WDR72: variants seen among roughly 807,000 people sequenced by gnomAD.
WDR72 encodes the protein WD repeat domain 72.
Under a neutral mutation model 124.2 loss-of-function variants are expected in WDR72, and 120 were observed. The observed-to-expected ratio is 0.97, with a 90% CI of 0.83 to 1.12. The LOEUF is 1.12. Ranked by LOEUF, WDR72 falls within the 50% of genes most tolerant of loss-of-function variation. The pLI, the probability that WDR72 is intolerant of heterozygous loss-of-function variation, is 0.00. For synonymous variants in WDR72, 452 were observed against 441.7 expected (o/e 1.02, Z -0.29); for missense variants, 1,387 against 1,278.8 (o/e 1.08, Z -1.29).
chr15:53,551,647 C>T (rs568490365), intron 18 of WDR72, among the ~76,000 whole-genome samples: 323 of 152,198 alleles, frequency 2.1e-3, no homozygotes, highest in Non-Finnish European at 3.6e-3. Context: ...AAAAGTCAGT[C>T]CTATGTATAA....
Position 53,682,514 on chromosome 15 carries a change from AT to A in WDR72, c.1766-16747del, listed in dbSNP as rs201461548. Among the ~76,000 whole-genome samples the A allele has an allele frequency of 2.3e-4, 35 of 151,458 alleles. 1 individual carries two copies. Among genetic ancestry groups the A allele is most frequent in the African/African-American group, 7.8e-4 (32 of 41,290 alleles). On this transcript the variant is annotated intron_variant, in intron 13 of 19. Transcript: ENST00000360509. ...TTCTTATTACTGTATTTTTGCTCTG[AT>A]TTTTTTTTCCCACCATCTCTTCACG...
intron 2 of WDR72, among the ~76,000 whole-genome samples, chr15:53,731,899 T>C (rs2140609148): frequency 6.6e-6 from 1 of 152,314 alleles, no homozygotes; most frequent in South Asian, 2.1e-4. Flanking sequence ...ATGAAGATGC[T>C]AGAATTCCAG....
chr15:53,613,717 C>A lies in WDR72; in HGVS notation c.2821G>T (p.Ala941Ser). 1.2e-6 allele frequency: 2 copies of A among 1,610,958 alleles called. No individual in the cohort carries two copies. Among genetic ancestry groups the A allele is most frequent in the Non-Finnish European group, 1.7e-6 (2 of 1,178,152 alleles). Residue 941 changes from alanine (A) to serine (S), a missense_variant, in exon 16 of 20, where the codon GCT (alanine) becomes TCT (serine). Ala to Ser is a moderately conservative substitution (Grantham distance 99). Coordinates refer to ENST00000360509, the MANE Select transcript of WDR72 (RefSeq NM_182758.4). Reference protein sequence around the residue: ...MESIHNKMRGAGNDILNMSSF... With the variant: ...MESIHNKMRGSGNDILNMSSF... Reference sequence around the variant, plus strand: ...GACATATTTAAAATGTCATTCCCAGCACCTCTCATCTTATTATGTATACTT... The same window carrying A: ...GACATATTTAAAATGTCATTCCCAGAACCTCTCATCTTATTATGTATACTT...
At chr15:53,544,267 A>G (rs1441182027) in intron 18 of WDR72, among the ~76,000 whole-genome samples, 1 of 135,130 alleles carries the variant, frequency 7.4e-6, no homozygotes, top group Admixed American at 7.6e-5. Flanking sequence ...CCTCAATAAA[A>G]TACTGGCAAA....
chr15:53,521,131 T>A (rs546942), intron 19 of WDR72, among the ~76,000 whole-genome samples: 1 of 151,950 alleles, frequency 6.6e-6, no homozygotes. Flanking sequence ...CAGTTCACAG[T>A]GAAAGAAGAC....
chr15:53,689,954 A>G (rs985242926), intron 13 of WDR72, among the ~76,000 whole-genome samples: 1 of 150,842 alleles, frequency 6.6e-6, no homozygotes, highest in Non-Finnish European at 1.5e-5. Context: ...TTCTCAGTAA[A>G]CTATCGCAAG....
chr15:53,565,093 G>A (rs1051088465), intron 18 of WDR72, among the ~76,000 whole-genome samples: 1 of 151,824 alleles, frequency 6.6e-6, no homozygotes, highest in African/African-American at 2.4e-5. Flanking sequence ...AGGTTTTGGG[G>A]AAAGGTGCTG....
chr15:53,694,774 G>A (rs752231115), intron 13 of WDR72, among the ~76,000 whole-genome samples: 5 of 152,158 alleles, frequency 3.3e-5, no homozygotes, highest in Non-Finnish European at 4.4e-5. Context: ...AACTATACCT[G>A]TCCTGCTTAA....
intron 18 of WDR72, among the ~76,000 whole-genome samples, chr15:53,582,208 A>T (rs2011964554): frequency 6.6e-6 from 1 of 151,990 alleles, no homozygotes; most frequent in Admixed American, 6.6e-5. Context: ...AAAACCATAT[A>T]TGTTTTACAT....
rs1228042716 is a variant in WDR72, at chr15:53,515,573, C to T, written c.*2126G>A. On this transcript the variant is annotated 3_prime_UTR_variant, in exon 20 of 20. Transcript: ENST00000360509. ...TCATAGTTAATGGTATGATATTGGC[C>T]TTCAGAATTCATATTGATAAAAGCA... 1 of 152,048 alleles carries T rather than the reference C, an allele frequency of 6.6e-6. No individual in the cohort carries two copies. The highest frequency in any genetic ancestry group is 1.5e-5 in the Non-Finnish European group (1 of 68,008). The allele number at this position is 152,048 out of a possible 1,614,324, so 9.4% of individuals were successfully genotyped here.
intron 15 of WDR72, among the ~76,000 whole-genome samples, chr15:53,614,008 T>C (rs571721185): frequency 4.6e-5 from 7 of 152,236 alleles, no homozygotes; most frequent in Middle Eastern, 3.4e-3. Flanking sequence ...CTGCACATCT[T>C]AGTTTGCCAG....
At chr15:53,670,108 T>G (rs1789720795) in intron 13 of WDR72, among the ~76,000 whole-genome samples, 1 of 152,182 alleles carries the variant, frequency 6.6e-6, no homozygotes, top group African/African-American at 2.4e-5. Flanking sequence ...AAATCTATTG[T>G]AAGTAAAATC....
At chr15:53,536,319 A>C (rs1307536577) in intron 18 of WDR72, among the ~76,000 whole-genome samples, 3 of 152,162 alleles carry the variant, frequency 2.0e-5, no homozygotes, top group Non-Finnish European at 2.9e-5. Context: ...ATACTTCGAT[A>C]TTATTCTCAG....
intron 3 of WDR72, among the ~76,000 whole-genome samples, chr15:53,721,661 C>T (rs1273399048): frequency 6.6e-6 from 1 of 152,188 alleles, no homozygotes; most frequent in African/African-American, 2.4e-5. Context: ...TTTATACAAG[C>T]TGGACCTTGA....
chr15:53,648,210 G>T (rs74015847), intron 14 of WDR72, among the ~76,000 whole-genome samples: 1 of 152,076 alleles, frequency 6.6e-6, no homozygotes, highest in East Asian at 1.9e-4. Context: ...CAAATTTTAC[G>T]TAGCAGGAAA....
chr15:53,732,251 T>G (rs1316645780), intron 2 of WDR72, among the ~76,000 whole-genome samples: 2 of 152,210 alleles, frequency 1.3e-5, no homozygotes, highest in Non-Finnish European at 2.9e-5. Context: ...AATTTAGGTT[T>G]TAAAGTGACA....
At chr15:53,607,899 T>C (rs2013357327) in intron 17 of WDR72, among the ~76,000 whole-genome samples, 1 of 152,086 alleles carries the variant, frequency 6.6e-6, no homozygotes, top group African/African-American at 2.4e-5. Context: ...AACAGGCATA[T>C]GCAAAGGTAC....
intron 14 of WDR72, among the ~76,000 whole-genome samples, chr15:53,635,457 T>C (rs2014588247): frequency 6.6e-6 from 1 of 152,228 alleles, no homozygotes; most frequent in South Asian, 2.1e-4. Context: ...AGAAAAGCTT[T>C]GGGAATTCCT....
At chr15:53,537,855 T>A (rs1436496099) in intron 18 of WDR72, among the ~76,000 whole-genome samples, 1 of 152,208 alleles carries the variant, frequency 6.6e-6, no homozygotes, top group African/African-American at 2.4e-5. Context: ...CTATATTATC[T>A]TGATCTTCAT....
Sources: gnomAD v4.1 joint callset for allele counts (sites outside exome capture counted in the v4.1 genomes callset) on GRCh38, gnomAD v4.1.1 for gene constraint, MANE v1.5 for transcripts, NCBI Gene and HGNC (gene_info 2026-07-23, HGNC 2026-07-21) for gene names.